ACADM: variants seen among roughly 807,000 people sequenced by gnomAD.
ACADM encodes the protein acyl-CoA dehydrogenase medium chain.
ACADM carries 49 observed loss-of-function variants against 58.9 expected under a neutral mutation model. The observed-to-expected ratio is 0.83, with a 90% CI of 0.66 to 1.06. The LOEUF (loss-of-function observed/expected upper bound fraction) is 1.06. Among genes scored for constraint, ACADM ranks in the 50% least tolerant of loss-of-function variants. The pLI is 0.00. For missense variants in ACADM, 496 were observed against 507.0 expected, an observed-to-expected ratio of 0.98 and a Z score of 0.21; for synonymous variants, 160 against 157.7, an observed-to-expected ratio of 1.01 and a Z score of -0.11.
At chr1:75,725,253 T>TA (rs1036356576) in intron 1 of ACADM, among the ~76,000 whole-genome samples, 59 of 127,042 alleles carry the variant, frequency 4.6e-4, no homozygotes, top group African/African-American at 1.0e-3. Context: ...AAAAAAAAAG[T>TA]AAAAAAAAAA....
intron 5 of ACADM, among the ~76,000 whole-genome samples, chr1:75,734,262 C>G (rs1647200869): frequency 6.7e-6 from 1 of 148,728 alleles, no homozygotes; most frequent in African/African-American, 2.5e-5. Context: ...CTCCCAGGTT[C>G]ACGCCATTCT....
Position 75,761,208 on chromosome 1 carries a change from T to A in ACADM, c.1032T>A (p.Val344=), listed in dbSNP as rs774315514. ...RMSYQRAAWE[V]DSGRRNTYYA... ...GTTACCAGAGAGCAGCTTGGGAGGTTGATTCTGGTCGTCGAAATACCTATT... is the reference window on the plus strand; with the variant it reads ...GTTACCAGAGAGCAGCTTGGGAGGTAGATTCTGGTCGTCGAAATACCTATT... The change falls in exon 11 of 12, where the codon GTT becomes GTA. Residue 344 remains valine, a synonymous_variant. Coordinates refer to ENST00000370841, the MANE Select transcript of ACADM (RefSeq NM_000016.6). 1.1e-5 allele frequency: 18 copies of A among 1,614,096 alleles called. No homozygotes were observed. The African/African-American group carries it at 2.0e-4, about 18-fold the overall frequency.
chr1:75,727,050 A>G (rs1647068321), intron 1 of ACADM, among the ~76,000 whole-genome samples: 1 of 151,932 alleles, frequency 6.6e-6, no homozygotes, highest in African/African-American at 2.4e-5. Flanking sequence ...TGATCCGCCC[A>G]CCTCAGCCTC....
In ACADM at chr1:75,757,626, A is replaced by G. The variant is rs537120268; in HGVS notation, c.946-3496A>G. Among the ~76,000 whole-genome samples, 62 of 152,370 alleles carry G rather than the reference A, an allele frequency of 4.1e-4. 1 individual carries two copies. The highest frequency in any genetic ancestry group is 3.4e-3 in the Middle Eastern group (1 of 294). On this transcript the variant is annotated intron_variant, in intron 10 of 11. Coordinates refer to ENST00000370841, the MANE Select transcript of ACADM (RefSeq NM_000016.6). ...GTTGGTGGGACTGTAAACTAGTTCA[A>G]CCATTGTGGAAGACAGTGTGGCAAT...
At chr1:75,752,474 C>T (rs1467362842) in intron 10 of ACADM, among the ~76,000 whole-genome samples, 2 of 152,200 alleles carry the variant, frequency 1.3e-5, no homozygotes, top group Non-Finnish European at 2.9e-5. Flanking sequence ...ATTAGCACTG[C>T]TCTGTGTCCC....
intron 6 of ACADM, among the ~76,000 whole-genome samples, chr1:75,737,287 T>C (rs1339141020): frequency 1.4e-5 from 1 of 69,128 alleles, no homozygotes; most frequent in Non-Finnish European, 2.9e-5. Context: ...CAAATATATA[T>C]ATATATATAT....
Position 75,745,861 on chromosome 1 carries a change from T to C in ACADM, c.655T>C (p.Phe219Leu). 6.2e-7 allele frequency: 1 copy of C among 1,614,002 alleles called. No homozygotes were observed. Among genetic ancestry groups the C allele is most frequent in the Non-Finnish European group, 8.5e-7 (1 of 1,179,956 alleles). Residue 219 changes from phenylalanine (F) to leucine (L), a missense_variant, in exon 8 of 12, where the codon TTT (phenylalanine) becomes CTT (leucine). Phe to Leu is a conservative substitution (Grantham distance 22). Coordinates refer to ENST00000370841, the MANE Select transcript of ACADM (RefSeq NM_000016.6). ...PDPKAPANKAFTGFIVEADTP... is the reference protein window; with the variant it reads ...PDPKAPANKALTGFIVEADTP... ...TCCTAAAGCTCCTGCTAATAAAGCC[T>C]TTACTGGATTCATTGTGGAAGCAGA... is the stretch of plus-strand genomic sequence containing the variant.
In ACADM at chr1:75,724,750, C is replaced by A. The variant is rs371787277; in HGVS notation, c.-38C>A. ...CGGGGAGTATGTCAAGGCCGTGACCCGTGTATTATTGTCCGAGTGGCCGGA... is the reference window on the plus strand; with the variant it reads ...CGGGGAGTATGTCAAGGCCGTGACCAGTGTATTATTGTCCGAGTGGCCGGA... On this transcript the variant is annotated 5_prime_UTR_variant, in exon 1 of 12. Transcript: ENST00000370841. The A allele has an allele frequency of 6.5e-7, 1 of 1,536,584 alleles. No homozygotes were observed. Among genetic ancestry groups the A allele is most frequent in the Non-Finnish European group, 8.8e-7 (1 of 1,140,820 alleles).
Position 75,762,783 on chromosome 1 carries a change from T to C in ACADM, c.*20T>C. 6.9e-7 allele frequency: 1 copy of C among 1,446,882 alleles called. No individual in the cohort carries two copies. Among genetic ancestry groups the C allele is most frequent in the Non-Finnish European group, 9.7e-7 (1 of 1,030,990 alleles). The allele number at this position is 1,446,882 out of a possible 1,614,324, so 89.6% of individuals were successfully genotyped here. A position where few individuals can be genotyped will look rare whatever the true frequency, so the allele number is the denominator to read the frequency against. On this transcript the variant is annotated 3_prime_UTR_variant, in exon 12 of 12. Transcript: ENST00000370841. ...AATTAAAAAAATTACTGTAGAAATA[T>C]TGAATAACTAGAACACAAGCCACTG...
At chr1:75,730,906 C>G (rs911024594) in intron 2 of ACADM, among the ~76,000 whole-genome samples, 5 of 152,106 alleles carry the variant, frequency 3.3e-5, no homozygotes, top group African/African-American at 1.2e-4. Flanking sequence ...AGAGAGAACA[C>G]TGGACTGAAA....
At chr1:75,752,242 A>G (rs996212288) in intron 10 of ACADM, among the ~76,000 whole-genome samples, 23 of 152,090 alleles carry the variant, frequency 1.5e-4, no homozygotes, top group African/African-American at 5.1e-4. Flanking sequence ...TCAGCCCCCC[A>G]TGAGCCTCCT....
chr1:75,745,883 C>G lies in ACADM; in HGVS notation c.677C>G (p.Ala226Gly), dbSNP rs1161511961. The change falls in exon 8 of 12, where the codon GCA becomes GGA. Residue 226 changes from alanine to glycine, a missense_variant. Physicochemically the swap from Ala to Gly is moderately conservative, Grantham distance 60. Transcript: ENST00000370841. ...GCCTTTACTGGATTCATTGTGGAAG[C>G]AGATACCCCAGGAATTCAGATTGGG... is the stretch of plus-strand genomic sequence containing the variant. ...NKAFTGFIVEADTPGIQIGRK... is the reference protein window; with the variant it reads ...NKAFTGFIVEGDTPGIQIGRK... The G allele has an allele frequency of 2.5e-6, 4 of 1,613,246 alleles. No homozygotes were observed. The South Asian group carries it at 3.3e-5, about 13-fold the overall frequency.
intron 10 of ACADM, among the ~76,000 whole-genome samples, chr1:75,753,878 C>T (rs1453376586): frequency 1.4e-5 from 2 of 142,656 alleles, no homozygotes; most frequent in African/African-American, 5.4e-5. Flanking sequence ...CTCACTGCAA[C>T]CACTGCCTCC....
At position 75,740,000 on chromosome 1, in the gene ACADM, T is replaced by G. The variant is rs78392995; in HGVS notation, c.489T>G (p.Pro163=). ...TCAAGGCTTATTGTGTAACAGAACC[T>G]GGAGCAGGCTCTGATGTAGCTGGTA... is the stretch of plus-strand genomic sequence containing the variant. ...PLMCAYCVTE[P]GAGSDVAGIK... is the part of the protein sequence containing the mutation. The change falls in exon 7 of 12, where the codon CCT becomes CCG. Residue 163 remains proline, a synonymous_variant. Transcript: ENST00000370841. 6,497 of 1,612,218 alleles carry G rather than the reference T, an allele frequency of 4.0e-3. 217 individuals are homozygous for G. In the African/African-American group the frequency reaches 0.068, roughly 17 times the overall value.
intron 8 of ACADM, among the ~76,000 whole-genome samples, chr1:75,746,337 G>C (rs1468434884): frequency 6.6e-6 from 1 of 152,064 alleles, no homozygotes; most frequent in African/African-American, 2.4e-5. Flanking sequence ...GATTTTACTA[G>C]GTCATACAAC....
At chr1:75,745,530 C>CGT (rs147315129) in intron 7 of ACADM, 9 of 367,768 alleles carry the variant, frequency 2.4e-5, no homozygotes, top group Non-Finnish European at 3.5e-5. Flanking sequence ...TTCAAAATAT[C>CGT]ATATATACTG....
chr1:75,751,966 A>G (rs1648228912), intron 10 of ACADM, among the ~76,000 whole-genome samples: 1 of 148,154 alleles, frequency 6.7e-6, no homozygotes, highest in Admixed American at 6.7e-5. Flanking sequence ...GCAACTCACT[A>G]TGAGTTGTAT....
At position 75,761,128 on chromosome 1, in the gene ACADM, G is replaced by A; in HGVS notation, c.952G>A (p.Ala318Thr). ...TFGKLLVEHQ[A>T]ISFMLAEMAM... ...TTTTTCTTTTTAATTCTAGCACCAA[G>A]CAATATCATTTATGCTGGCTGAAAT... is the stretch of plus-strand genomic sequence containing the variant. The change falls in exon 11 of 12, where the codon GCA becomes ACA. Residue 318 changes from alanine (A) to threonine (T), a missense_variant. Physicochemically the swap from Ala to Thr is moderately conservative, Grantham distance 58 (BLOSUM62 0). Coordinates refer to ENST00000370841, the MANE Select transcript of ACADM (RefSeq NM_000016.6). 6.2e-7 allele frequency: 1 copy of A among 1,613,802 alleles called. No homozygotes were observed. The highest frequency in any genetic ancestry group is 8.5e-7 in the Non-Finnish European group (1 of 1,179,814).
chr1:75,733,497 T>C, intron 4 of ACADM, 31 bp from the exon 5 acceptor site: 1 of 1,544,584 alleles, frequency 6.5e-7, no homozygotes. Context: ...TACTACATAT[T>C]ACAATGTGTT....
Sources: allele counts gnomAD v4.1 joint callset (sites outside exome capture counted in the v4.1 genomes callset), GRCh38; gene constraint gnomAD v4.1.1; transcripts MANE v1.5; gene names NCBI Gene and HGNC (gene_info 2026-07-23, HGNC 2026-07-21).